Variants in LYPD6B observed in about 807,000 individuals in gnomAD.
The protein encoded by LYPD6B is LY6/PLAUR domain containing 6B, also known as ly6/PLAUR domain-containing protein 6B.
A neutral mutation model predicts 22.8 loss-of-function variants in LYPD6B; 17 were observed. The ratio of observed to expected loss-of-function variants is 0.75; its 90% CI spans 0.51 to 1.12. The LOEUF (loss-of-function observed/expected upper bound fraction) is 1.12. LYPD6B is among the 50% of genes most tolerant of loss of function. The pLI, the probability that LYPD6B is intolerant of heterozygous loss-of-function variation, is 0.00. For synonymous variants in LYPD6B, 106 were observed against 91.6 expected, an observed-to-expected ratio of 1.16 and a Z score of -0.90; for missense variants, 221 against 258.3, an observed-to-expected ratio of 0.86 and a Z score of 0.99.
chr2:149,190,813 G>A (rs1250422159), intron 3 of LYPD6B, among the ~76,000 whole-genome samples: 1 of 152,120 alleles, frequency 6.6e-6, no homozygotes, highest in African/African-American at 2.4e-5. Context: ...TGTTTTAAAT[G>A]TGATAGGAGT....
At position 149,124,002 on chromosome 2, in the gene LYPD6B, C is replaced by T. The variant is rs573941335; in HGVS notation, c.-66-6881C>T. Among the ~76,000 whole-genome samples the T allele has an allele frequency of 9.8e-5, 15 of 152,322 alleles. No homozygotes were observed. In the South Asian group the frequency reaches 2.3e-3, roughly 23 times the overall value. On this transcript the variant is annotated intron_variant, in intron 1 of 6. Coordinates refer to ENST00000409642, the MANE Select transcript of LYPD6B (RefSeq NM_177964.5). ...CCTGATGTTATCCAGGAAGGCCCCC[C>T]GGGCTCCTTTGCTGTATGCTTTTCT... is the stretch of plus-strand genomic sequence containing the variant.
At chr2:149,069,638 C>G (rs569034810) in intron 1 of LYPD6B, among the ~76,000 whole-genome samples, 1 of 148,194 alleles carries the variant, frequency 6.7e-6, no homozygotes, top group African/African-American at 2.5e-5. Context: ...GACTTTGAAG[C>G]ATTGCCACAT....
At chr2:149,140,757 C>T (rs969861314) in intron 2 of LYPD6B, among the ~76,000 whole-genome samples, 9 of 152,202 alleles carry the variant, frequency 5.9e-5, no homozygotes, top group Admixed American at 3.9e-4. Flanking sequence ...TCCACAAAAT[C>T]CAGCATCGTG....
rs188037107 is a variant in LYPD6B, at chr2:149,057,396, T to C, written c.-67+18595T>C. Among the ~76,000 whole-genome samples, 552 of 136,274 alleles carry C rather than the reference T, an allele frequency of 4.1e-3. 32 individuals carry two copies. In the East Asian group the frequency reaches 0.1, roughly 25 times the overall value. The allele number at this position is 136,274 out of a possible 152,430, so 89.4% of individuals were successfully genotyped here. On this transcript the variant is annotated intron_variant, in intron 1 of 6. Coordinates refer to ENST00000409642, the MANE Select transcript of LYPD6B (RefSeq NM_177964.5). Reference sequence around the variant, plus strand: ...ACCCTGACCCTGCCCTGCACTTTTTTTTTTTAATTACAGTGCCTTTTTTCT... The same window carrying C: ...ACCCTGACCCTGCCCTGCACTTTTTCTTTTTAATTACAGTGCCTTTTTTCT...
At chr2:149,103,686 G>A (rs1686324215) in intron 1 of LYPD6B, among the ~76,000 whole-genome samples, 1 of 149,524 alleles carries the variant, frequency 6.7e-6, no homozygotes, top group South Asian at 2.1e-4. Context: ...AGGCAGGGAA[G>A]TACTTTCTGC....
intron 4 of LYPD6B, among the ~76,000 whole-genome samples, chr2:149,207,555 C>G (rs549357007): frequency 3.5e-4 from 53 of 152,092 alleles, no homozygotes; most frequent in Non-Finnish European, 5.2e-4. Flanking sequence ...AAGTTGCTCT[C>G]AGTCCAGACT....
At position 149,214,713 on chromosome 2, in the gene LYPD6B, C is replaced by T; in HGVS notation, c.*3C>T. On this transcript the variant is annotated 3_prime_UTR_variant, in exon 7 of 7. Transcript: ENST00000409642. ...TCTTTGTGCTTCCATTGCTGTGATG[C>T]CACCATTCCTAGGAGAGGCAGAGAC... 6.2e-7 allele frequency: 1 copy of T among 1,613,850 alleles called. No individual in the cohort carries two copies. Among genetic ancestry groups the T allele is most frequent in the Non-Finnish European group, 8.5e-7 (1 of 1,179,768 alleles).
intron 1 of LYPD6B, among the ~76,000 whole-genome samples, chr2:149,089,346 C>CA (rs1381678304): frequency 1.2e-4 from 19 of 152,152 alleles, no homozygotes; most frequent in Non-Finnish European, 4.4e-5. Flanking sequence ...GGGGAGGCTG[C>CA]TTCTGGATGC....
At chr2:149,181,703 TTTCCTTCTAATACAC>T (rs1331426850) in intron 3 of LYPD6B, among the ~76,000 whole-genome samples, 2 of 152,224 alleles carry the variant, frequency 1.3e-5, no homozygotes, top group East Asian at 1.9e-4. Flanking sequence ...CATACCCTGT[TTTCCTTCTAATACAC>T]TTCCTTCTAA....
intron 1 of LYPD6B, among the ~76,000 whole-genome samples, chr2:149,122,923 G>C (rs1687467264): frequency 6.6e-6 from 1 of 152,174 alleles, no homozygotes; most frequent in Admixed American, 6.5e-5. Flanking sequence ...TTCCGTGTCT[G>C]CATCTACATT....
intron 1 of LYPD6B, among the ~76,000 whole-genome samples, chr2:149,110,531 A>T (rs987892782): frequency 1.2e-4 from 19 of 152,186 alleles, no homozygotes; most frequent in African/African-American, 4.6e-4. Context: ...AGCAGCATTT[A>T]GTCTAGGGCT....
intron 2 of LYPD6B, chr2:149,143,940 G>C (rs1282763776): frequency 1.3e-5 from 2 of 152,220 alleles, no homozygotes; most frequent in Non-Finnish European, 2.9e-5. Flanking sequence ...GACAGCCACG[G>C]CACTCAGCAT....
intron 1 of LYPD6B, among the ~76,000 whole-genome samples, chr2:149,127,321 G>T (rs1026441077): frequency 5.9e-5 from 9 of 152,064 alleles, no homozygotes; most frequent in African/African-American, 1.4e-4. Flanking sequence ...AGTATCGAGG[G>T]CTCAAACTGA....
chr2:149,099,670 C>T (rs1041877980), intron 1 of LYPD6B, among the ~76,000 whole-genome samples: 1 of 152,194 alleles, frequency 6.6e-6, no homozygotes, highest in Non-Finnish European at 1.5e-5. Context: ...GGCACCAGGG[C>T]AATGCCTGGT....
At chr2:149,208,923 T>C (rs539471193) in intron 5 of LYPD6B, among the ~76,000 whole-genome samples, 1 of 152,294 alleles carries the variant, frequency 6.6e-6, no homozygotes, top group East Asian at 1.9e-4. Context: ...CTCTGAGAAC[T>C]GTACCTTAGA....
chr2:149,115,996 C>T (rs561897334), intron 1 of LYPD6B, among the ~76,000 whole-genome samples: 4 of 152,256 alleles, frequency 2.6e-5, no homozygotes, highest in South Asian at 4.1e-4. Context: ...CTACTGAGAC[C>T]GTATTGCAGT....
intron 1 of LYPD6B, among the ~76,000 whole-genome samples, chr2:149,085,966 G>A (rs1252901977): frequency 6.6e-6 from 1 of 152,150 alleles, no homozygotes; most frequent in East Asian, 1.9e-4. Context: ...GGCTATCAAT[G>A]CCTCAATTAC....
intron 1 of LYPD6B, among the ~76,000 whole-genome samples, chr2:149,066,634 A>G (rs548044645): frequency 6.6e-6 from 1 of 152,010 alleles, no homozygotes; most frequent in South Asian, 2.1e-4. Context: ...TTGCTCAAAA[A>G]CATTTATTAA....
At chr2:149,156,245 A>G (rs1689692975) in intron 2 of LYPD6B, among the ~76,000 whole-genome samples, 2 of 152,178 alleles carry the variant, frequency 1.3e-5, no homozygotes, top group African/African-American at 2.4e-5. Context: ...CGGGATCTTC[A>G]GGAAGTTTAT....
Sources: allele counts gnomAD v4.1 joint callset (sites outside exome capture counted in the v4.1 genomes callset), GRCh38; gene constraint gnomAD v4.1.1; transcripts MANE v1.5; gene names NCBI Gene and HGNC (gene_info 2026-07-23, HGNC 2026-07-21).